The following ACAN variants were observed in gnomAD, a reference collection of about 807,000 sequenced individuals.
The protein encoded by ACAN is aggrecan, also known as aggrecan core protein.
A neutral mutation model predicts 169.1 loss-of-function variants in ACAN; 47 were observed. That is an observed-to-expected ratio of 0.28 (90% CI 0.22 to 0.35). ACAN has a LOEUF of 0.35. ACAN is among the 10% of genes least tolerant of loss of function. The probability of loss-of-function intolerance (pLI) is 1.00; values close to 1 mark genes in which losing one functional copy is unlikely to be tolerated. For missense variants in ACAN, 2,716 were observed against 2,759.9 expected (o/e 0.98, Z 0.36); for synonymous variants, 1,115 against 1,112.2 (o/e 1.00, Z -0.05).
At chr15:88,848,831 T>A (rs933946140) in intron 9 of ACAN, among the ~76,000 whole-genome samples, 1 of 152,244 alleles carries the variant, frequency 6.6e-6, no homozygotes, top group Non-Finnish European at 1.5e-5. Context: ...CTGATTTATA[T>A]GTACATCAGA....
At position 88,869,479 on chromosome 15, in the gene ACAN, C is replaced by G. The variant is rs901138525; in HGVS notation, c.7060+1150C>G. ...TACTCCCTTGCAGCCTCCCACCCTC[C>G]ATCCTCACCCCAAGACCCCAAGAAA... On this transcript the variant is annotated intron_variant, in intron 14 of 18. Transcript: ENST00000560601. The surrounding 1 kb of genome is among the most constrained non-coding windows in gnomAD (Gnocchi z 4.2). Among the ~76,000 whole-genome samples, 3 of 152,208 alleles carry G rather than the reference C, an allele frequency of 2.0e-5. No homozygotes were observed. The highest frequency in any genetic ancestry group is 4.4e-5 in the Non-Finnish European group (3 of 68,032).
rs754791260 is a variant in ACAN, at chr15:88,847,452, T to A, written c.1604+35T>A. ...TGCTCCTCGCCCAGCCCAAACCCAATTGAAGAGGTCAGGCTTAAGGAGCCA... is the reference window on the plus strand; with the variant it reads ...TGCTCCTCGCCCAGCCCAAACCCAAATGAAGAGGTCAGGCTTAAGGAGCCA... On this transcript the variant is annotated intron_variant, in intron 8 of 18. Transcript: ENST00000560601. 2.0e-6 allele frequency: 3 copies of A among 1,520,870 alleles called. No homozygotes were observed. The Admixed American group carries it at 5.9e-5, about 30-fold the overall frequency. The allele number at this position is 1,520,870 out of a possible 1,614,324, so 94.2% of individuals were successfully genotyped here. A position where few individuals can be genotyped will look rare whatever the true frequency, so the allele number is the denominator to read the frequency against.
chr15:88,854,181 C>G (rs946902814), intron 11 of ACAN, among the ~76,000 whole-genome samples: 2 of 152,202 alleles, frequency 1.3e-5, no homozygotes, highest in African/African-American at 4.8e-5. Context: ...ACAAACATCA[C>G]CACCTGGCCC....
At position 88,867,024 on chromosome 15, in the gene ACAN, T is replaced by C. The variant is rs555449021; in HGVS notation, c.6947-1192T>C. ...CACTCACTGCAGAATTTTACTGATCTCCTGGCAAGAGGAGCTTCATAATAG... is the reference window on the plus strand; with the variant it reads ...CACTCACTGCAGAATTTTACTGATCCCCTGGCAAGAGGAGCTTCATAATAG... On this transcript the variant is annotated intron_variant, in intron 13 of 18. Transcript: ENST00000560601. Among the ~76,000 whole-genome samples the C allele has an allele frequency of 3.3e-5, 5 of 152,278 alleles. No homozygotes were observed. In the East Asian group the frequency reaches 9.7e-4, roughly 29 times the overall value.
intron 1 of ACAN, among the ~76,000 whole-genome samples, chr15:88,804,936 C>A (rs1281034164): frequency 2.6e-5 from 4 of 152,112 alleles, no homozygotes; most frequent in African/African-American, 9.7e-5. Flanking sequence ...GGGTGGGTGT[C>A]TGACAGTTTA....
rs1896933249 is a variant in ACAN at position 88,851,709 on chromosome 15, C to T, written c.2027-85C>T. ...AGGTGGGGCCTGGCCACCTCAGAGT[C>T]CCCTAGCTCCCCTCAAGAAGGGCCA... On this transcript the variant is annotated intron_variant, in intron 10 of 18. Coordinates refer to ENST00000560601, the MANE Select transcript of ACAN (RefSeq NM_001369268.1). The surrounding 1 kb of genome is among the most constrained non-coding windows in gnomAD (Gnocchi z 4.3). 6.8e-7 allele frequency: 1 copy of T among 1,469,584 alleles called. No individual in the cohort carries two copies. Among genetic ancestry groups the T allele is most frequent in the Non-Finnish European group, 9.1e-7 (1 of 1,104,156 alleles). 91.0% of individuals were successfully genotyped at this position (1,469,584 alleles called of 1,614,324 possible).
In ACAN at chr15:88,822,158, G is replaced by C. The variant is rs866239966; in HGVS notation, c.-7-14042G>C. On this transcript the variant is annotated intron_variant, in intron 1 of 18. Coordinates refer to ENST00000560601, the MANE Select transcript of ACAN (RefSeq NM_001369268.1). The stretch of plus-strand genomic sequence containing the variant: ...CCTCCAGAGGTCAGGTTGATACCTC[G>C]TGCCCCAAGGTCCCCACCGTACATC... Among the ~76,000 whole-genome samples, 3 of 152,174 alleles carry C rather than the reference G, an allele frequency of 2.0e-5. No homozygotes were observed. In the South Asian group the frequency reaches 6.2e-4, roughly 32 times the overall value.
chr15:88,860,424 G>C lies in ACAN; in HGVS notation c.6931G>C (p.Glu2311Gln). The C allele has an allele frequency of 6.2e-7, 1 of 1,613,320 alleles. No individual in the cohort carries two copies. The highest frequency in any genetic ancestry group is 2.2e-5 in the East Asian group (1 of 44,874). ...CCTGTGCCCCCCTGGCTACACTGGCGAGCACTGTAACATAGGTAAGGCCCT... is the reference window on the plus strand; with the variant it reads ...CCTGTGCCCCCCTGGCTACACTGGCCAGCACTGTAACATAGGTAAGGCCCT... Reference protein sequence around the residue: ...ICLCPPGYTGEHCNIDIDECL... With the variant: ...ICLCPPGYTGQHCNIDIDECL... The change falls in exon 13 of 19, where the codon GAG (glutamate) becomes CAG (glutamine). Residue 2311 changes from glutamate (E) to glutamine (Q), a missense_variant. Physicochemically the swap from Glu to Gln is conservative, Grantham distance 29. This residue lies in a region of ACAN where 1,389 missense variants were observed against 1,363.7 expected (regional missense o/e 1.02). Transcript: ENST00000560601.
intron 1 of ACAN, among the ~76,000 whole-genome samples, chr15:88,815,303 A>G (rs559407263): frequency 6.6e-6 from 1 of 152,252 alleles, no homozygotes; most frequent in East Asian, 1.9e-4. Context: ...TCATGCCTGT[A>G]ATCCCAGCAC....
At chr15:88,804,403 C>T (rs925082014) in intron 1 of ACAN, among the ~76,000 whole-genome samples, 9 of 152,154 alleles carry the variant, frequency 5.9e-5, no homozygotes, top group Non-Finnish European at 1.3e-4. Context: ...GAAGAGTCTG[C>T]CCAGGGGAGA....
Position 88,858,692 on chromosome 15 carries a change from T to G in ACAN, c.6107T>G (p.Leu2036Ter), listed in dbSNP as rs1388840449. 1 of 1,613,846 alleles carries G rather than the reference T, an allele frequency of 6.2e-7. No homozygotes were observed. Among genetic ancestry groups the G allele is most frequent in the Non-Finnish European group, 8.5e-7 (1 of 1,179,908 alleles). Residue 2036 changes from leucine (L) to a stop codon, truncating the protein, a stop_gained, in exon 12 of 19, where the codon TTA becomes TGA. Coordinates refer to ENST00000560601, the MANE Select transcript of ACAN (RefSeq NM_001369268.1). LOFTEE classifies it high-confidence loss of function. This position sits in a 1 kb window ranked among gnomAD's most constrained non-coding sequence, Gnocchi z 4.0. ...GCCTCAGGACTTCCAGAAGTTACTT[T>G]AATCACTTCTGAGTTCGTGGAGGGT... The part of the protein sequence containing the change: ...GEASGLPEVT[L>*]ITSEFVEGVT...
rs1292512133 is a variant in ACAN, at chr15:88,807,506, C to T, written c.-8+3697C>T. ...CCCTTCCCCCAGATCCAACAGGACA[C>T]AGCCATCCCTGCGAGGGAGTCTGGG... is the stretch of plus-strand genomic sequence containing the variant. On this transcript the variant is annotated intron_variant, in intron 1 of 18. Transcript: ENST00000560601. This position sits in a 1 kb window ranked among gnomAD's most constrained non-coding sequence, Gnocchi z 4.0. Among the ~76,000 whole-genome samples the T allele has an allele frequency of 6.6e-6, 1 of 152,156 alleles. No individual in the cohort carries two copies. Among genetic ancestry groups the T allele is most frequent in the Non-Finnish European group, 1.5e-5 (1 of 68,018 alleles).
Position 88,868,077 on chromosome 15 carries a change from A to T in ACAN, c.6947-139A>T. Reference sequence around the variant, plus strand: ...GGCAGCAGCAGCAGCAGCAGCAGCAACAGTTCTCAGGAAAACCAGCCAGTT... The same window carrying T: ...GGCAGCAGCAGCAGCAGCAGCAGCATCAGTTCTCAGGAAAACCAGCCAGTT... On this transcript the variant is annotated intron_variant, in intron 13 of 18. Transcript: ENST00000560601. This position sits in a 1 kb window ranked among gnomAD's most constrained non-coding sequence, Gnocchi z 5.2. The T allele has an allele frequency of 3.2e-6, 2 of 620,660 alleles. No homozygotes were observed. Among genetic ancestry groups the T allele is most frequent in the Non-Finnish European group, 5.8e-6 (2 of 347,658 alleles). The allele number at this position is 620,660 out of a possible 1,614,324, so 38.4% of individuals were successfully genotyped here. A position where few individuals can be genotyped will look rare whatever the true frequency, so the allele number is the denominator to read the frequency against.
chr15:88,813,795 C>T (rs933195626), intron 1 of ACAN, among the ~76,000 whole-genome samples: 3 of 152,288 alleles, frequency 2.0e-5, no homozygotes, highest in Admixed American at 1.3e-4. Flanking sequence ...ACTCAGCCTT[C>T]GTGACTTTGT....
In ACAN at chr15:88,859,258, C is replaced by G. The variant is rs1425299042; in HGVS notation, c.6673C>G (p.Gln2225Glu). The G allele has an allele frequency of 1.2e-6, 2 of 1,613,844 alleles. No individual in the cohort carries two copies. Among genetic ancestry groups the G allele is most frequent in the South Asian group, 1.1e-5 (1 of 91,088 alleles). Residue 2225 changes from glutamine to glutamate, a missense_variant, in exon 12 of 19, where the codon CAG (glutamine) becomes GAG (glutamate). Coordinates refer to ENST00000560601, the MANE Select transcript of ACAN (RefSeq NM_001369268.1). ...TSIPESEWTQ[Q>E]TQRPAETHLE... ...CATCCCAGAGTCTGAGTGGACCCAG[C>G]AGACCCAGCGCCCTGCAGAGACGCA...
Position 88,874,863 on chromosome 15 carries a change from G to T in ACAN, c.*382G>T. On this transcript the variant is annotated 3_prime_UTR_variant, in exon 19 of 19. Transcript: ENST00000560601. This position sits in a 1 kb window ranked among gnomAD's most constrained non-coding sequence, Gnocchi z 7.3. ...TTTATCCAAGAGCAGTGCAATCGTT[G>T]GTTATTTCACCTCCAGGGAGAGCTA... is the stretch of plus-strand genomic sequence containing the variant. The T allele has an allele frequency of 1.4e-5, 5 of 352,602 alleles. No individual in the cohort carries two copies. The highest frequency in any genetic ancestry group is 1.1e-4 in the South Asian group (5 of 44,494). 21.8% of individuals were successfully genotyped at this position (352,602 alleles called of 1,614,324 possible).
At position 88,857,214 on chromosome 15, in the gene ACAN, G is replaced by T. The variant is rs564415560; in HGVS notation, c.4629G>T (p.Gly1543=). ...TAGAGATTTCTGCCTCTGGATTTGG[G>T]GACCTCAGTGGACTTCCTTCTGGAG... ...EVLEISASGF[G]DLSGLPSGGE... The change falls in exon 12 of 19, where the codon GGG becomes GGT. Residue 1543 remains glycine, a synonymous_variant. Coordinates refer to ENST00000560601, the MANE Select transcript of ACAN (RefSeq NM_001369268.1). The T allele has an allele frequency of 6.2e-7, 1 of 1,613,686 alleles. No homozygotes were observed. The highest frequency in any genetic ancestry group is 1.3e-5 in the African/African-American group (1 of 74,966).
Position 88,859,352 on chromosome 15 carries a change from C to T in ACAN, c.6767C>T (p.Ser2256Phe), listed in dbSNP as rs1301210241. 6.3e-7 allele frequency: 1 copy of T among 1,597,966 alleles called. No homozygotes were observed. The highest frequency in any genetic ancestry group is 8.5e-7 in the Non-Finnish European group (1 of 1,172,182). Reference sequence around the variant, plus strand: ...ACTCACACAGTCGAAACAGCCACCTCCCCAACAGATGCTTCCATCCCAGCT... The same window carrying T: ...ACTCACACAGTCGAAACAGCCACCTTCCCAACAGATGCTTCCATCCCAGCT... Reference protein sequence around the residue: ...EETHTVETATSPTDASIPASP... With the variant: ...EETHTVETATFPTDASIPASP... Residue 2256 changes from serine to phenylalanine, a missense_variant, in exon 12 of 19, where the codon TCC (serine) becomes TTC (phenylalanine). Around this residue, in one of 3 missense-constraint regions of ACAN, gnomAD observed 1,389 missense variants for 1,363.7 expected, o/e 1.02. Coordinates refer to ENST00000560601, the MANE Select transcript of ACAN (RefSeq NM_001369268.1).
chr15:88,836,055 A>G (rs1323694945), intron 1 of ACAN, 145 bp from the exon 2 acceptor site: 5 of 617,172 alleles, frequency 8.1e-6, no homozygotes, highest in Non-Finnish European at 1.4e-5. Context: ...AAAATATCTC[A>G]CAAACCACGT....
Sources: allele counts gnomAD v4.1 joint callset (sites outside exome capture counted in the v4.1 genomes callset), GRCh38; gene constraint gnomAD v4.1.1; regional missense constraint gnomAD v4.1.1; non-coding constraint Gnocchi (gnomAD v3.1); transcripts MANE v1.5; gene names NCBI Gene and HGNC (gene_info 2026-07-23, HGNC 2026-07-21).